Variants in RGS7BP observed in about 807,000 individuals in gnomAD.
RGS7BP encodes the protein regulator of G protein signaling 7-binding protein.
In RGS7BP, 9 loss-of-function variants were observed where a neutral mutation model predicts 31.3. That is an observed-to-expected ratio of 0.29 (90% CI 0.17 to 0.50). The LOEUF (loss-of-function observed/expected upper bound fraction) is 0.50, where lower values mean the gene tolerates loss of function less well. RGS7BP is among the 20% of genes least tolerant of loss of function. The pLI is 0.98. For synonymous variants in RGS7BP, 115 were observed against 120.1 expected (o/e 0.96, Z 0.28); for missense variants, 274 against 322.0 (o/e 0.85, Z 1.14).
Position 64,588,904 on chromosome 5 carries a change from A to G in RGS7BP, c.464-5806A>G, listed in dbSNP as rs77575059. On this transcript the variant is annotated intron_variant, in intron 3 of 5. Transcript: ENST00000334025. ...AATTGAGAGAAATTGATAATCAAGAAAAATAGAAAACAATTCCCCAACCCT... is the reference window on the plus strand; with the variant it reads ...AATTGAGAGAAATTGATAATCAAGAGAAATAGAAAACAATTCCCCAACCCT... 5.0e-3 allele frequency among the ~76,000 whole-genome samples: 759 copies of G among 152,310 alleles called. 7 individuals carry two copies. Among genetic ancestry groups the G allele is most frequent in the African/African-American group, 0.018 (734 of 41,564 alleles).
At chr5:64,593,316 A>C (rs1467015824) in intron 3 of RGS7BP, among the ~76,000 whole-genome samples, 1 of 152,196 alleles carries the variant, frequency 6.6e-6, no homozygotes, top group Non-Finnish European at 1.5e-5. Context: ...ACTTCCCTCC[A>C]GCAGGAATCC....
At chr5:64,551,426 T>C (rs1459515929) in intron 2 of RGS7BP, among the ~76,000 whole-genome samples, 5 of 151,434 alleles carry the variant, frequency 3.3e-5, no homozygotes, top group African/African-American at 1.2e-4. Context: ...TGACGCCTGC[T>C]TAATTTTTGT....
chr5:64,580,786 TCA>T (rs1742570493), intron 3 of RGS7BP, among the ~76,000 whole-genome samples: 1 of 152,128 alleles, frequency 6.6e-6, no homozygotes, highest in African/African-American at 2.4e-5. Flanking sequence ...CTGGATGAAC[TCA>T]CTAAATGCCT....
At chr5:64,566,394 G>C (rs1402117703) in intron 2 of RGS7BP, among the ~76,000 whole-genome samples, 10 of 152,128 alleles carry the variant, frequency 6.6e-5, no homozygotes. Context: ...CTGAGAGAGA[G>C]AGAATTCAGG....
chr5:64,603,081 T>C (rs939009327), intron 5 of RGS7BP, among the ~76,000 whole-genome samples: 5 of 152,112 alleles, frequency 3.3e-5, no homozygotes, highest in Admixed American at 6.5e-5. Flanking sequence ...AGCTGTATCA[T>C]TAAGACCCCT....
chr5:64,575,170 ATTG>A (rs1742386647), intron 2 of RGS7BP, among the ~76,000 whole-genome samples: 1 of 152,102 alleles, frequency 6.6e-6, no homozygotes, highest in African/African-American at 2.4e-5. Flanking sequence ...TTAGCTTTAG[ATTG>A]TTAAGTATAA....
At chr5:64,598,539 AG>A in intron 5 of RGS7BP, 104 bp downstream of exon 5, 2 of 772,154 alleles carry the variant, frequency 2.6e-6, no homozygotes, top group Non-Finnish European at 4.6e-6. Flanking sequence ...AAACAGTAGA[AG>A]GCATTGAGCA....
At chr5:64,517,569 T>G (rs10053567) in intron 2 of RGS7BP, among the ~76,000 whole-genome samples, 1 of 152,002 alleles carries the variant, frequency 6.6e-6, no homozygotes, top group Non-Finnish European at 1.5e-5. Context: ...AATCCATACT[T>G]GTTAACCAGT....
At chr5:64,581,436 C>T (rs1378902974) in intron 3 of RGS7BP, among the ~76,000 whole-genome samples, 1 of 152,126 alleles carries the variant, frequency 6.6e-6, no homozygotes, top group African/African-American at 2.4e-5. Context: ...TTTATCTATA[C>T]ATTTAATTTG....
intron 2 of RGS7BP, among the ~76,000 whole-genome samples, chr5:64,513,289 A>C (rs1748887975): frequency 6.6e-6 from 1 of 152,160 alleles, no homozygotes; most frequent in Admixed American, 6.5e-5. Flanking sequence ...TTTCCTGACC[A>C]ACCAGACCTG....
intron 2 of RGS7BP, among the ~76,000 whole-genome samples, chr5:64,521,095 A>ATGAC (rs1462908097): frequency 1.3e-5 from 2 of 152,110 alleles, no homozygotes; most frequent in Non-Finnish European, 2.9e-5. Context: ...TCCAGCCAAA[A>ATGAC]TGACTGATTG....
chr5:64,589,140 C>CA (rs60475127), intron 3 of RGS7BP, among the ~76,000 whole-genome samples: 2 of 151,484 alleles, frequency 1.3e-5, no homozygotes, highest in South Asian at 2.1e-4. Flanking sequence ...ACTAAAAATA[C>CA]AAAAAAAATT....
chr5:64,565,786 A>G (rs1742154634), intron 2 of RGS7BP, among the ~76,000 whole-genome samples: 1 of 152,134 alleles, frequency 6.6e-6, no homozygotes, highest in South Asian at 2.1e-4. Flanking sequence ...GTGGAAGATG[A>G]TATTTTCCAT....
intron 4 of RGS7BP, among the ~76,000 whole-genome samples, chr5:64,596,465 C>T (rs1039318719): frequency 6.6e-6 from 1 of 152,200 alleles, no homozygotes; most frequent in African/African-American, 2.4e-5. Flanking sequence ...TTCTCCTGTG[C>T]AGCAGCCAAG....
chr5:64,570,876 T>A (rs976593233), intron 2 of RGS7BP, among the ~76,000 whole-genome samples: 1 of 152,154 alleles, frequency 6.6e-6, no homozygotes, highest in Non-Finnish European at 1.5e-5. Flanking sequence ...CCTGCAGACA[T>A]CAGTAAACTT....
At chr5:64,583,709 ATGAAC>A (rs764774147) in intron 3 of RGS7BP, among the ~76,000 whole-genome samples, 11 of 152,218 alleles carry the variant, frequency 7.2e-5, no homozygotes, top group Non-Finnish European at 1.6e-4. Flanking sequence ...AAACAATTTC[ATGAAC>A]ATTCGTATTA....
At chr5:64,542,336 T>C (rs1301768692) in intron 2 of RGS7BP, among the ~76,000 whole-genome samples, 2 of 152,162 alleles carry the variant, frequency 1.3e-5, no homozygotes, top group African/African-American at 2.4e-5. Flanking sequence ...AACAGCTGAG[T>C]TCTGAACAAT....
At chr5:64,551,353 C>T (rs1198649891) in intron 2 of RGS7BP, among the ~76,000 whole-genome samples, 1 of 151,002 alleles carries the variant, frequency 6.6e-6, no homozygotes, top group Non-Finnish European at 1.5e-5. Flanking sequence ...ACCTCTGCCT[C>T]CCCAATTCAA....
intron 2 of RGS7BP, among the ~76,000 whole-genome samples, chr5:64,543,562 G>C (rs556747997): frequency 6.6e-6 from 1 of 152,270 alleles, no homozygotes; most frequent in South Asian, 2.1e-4. Flanking sequence ...TCCCAGAAAA[G>C]AAACAGATTT....
Sources: gnomAD v4.1 joint callset for allele counts (sites outside exome capture counted in the v4.1 genomes callset) on GRCh38, gnomAD v4.1.1 for gene constraint, MANE v1.5 for transcripts, NCBI Gene and HGNC (gene_info 2026-07-23, HGNC 2026-07-21) for gene names.